MAP3K2: variants seen among roughly 807,000 people sequenced by gnomAD.
MAP3K2 encodes the protein mitogen-activated protein kinase kinase kinase 2, also known as MAP/ERK kinase kinase 2.
MAP3K2 carries 24 observed loss-of-function variants against 80.3 expected under a neutral mutation model. The ratio of observed to expected loss-of-function variants is 0.30; its 90% CI spans 0.22 to 0.42. The LOEUF (loss-of-function observed/expected upper bound fraction) is 0.42. Ranked by LOEUF, MAP3K2 falls within the 10% of genes least tolerant of loss-of-function variation. The pLI is 1.00. For synonymous variants in MAP3K2, 244 were observed against 253.7 expected, an observed-to-expected ratio of 0.96 and a Z score of 0.36; for missense variants, 608 against 750.1, an observed-to-expected ratio of 0.81 and a Z score of 2.21.
At chr2:127,347,378 G>A (rs1558983861) in intron 1 of MAP3K2, among the ~76,000 whole-genome samples, 1 of 152,050 alleles carries the variant, frequency 6.6e-6, no homozygotes, top group Non-Finnish European at 1.5e-5. Context: ...CAATAAACAC[G>A]TTCAGCACAG....
intron 2 of MAP3K2, among the ~76,000 whole-genome samples, chr2:127,340,591 A>G (rs1686459529): frequency 6.6e-6 from 1 of 151,818 alleles, no homozygotes; most frequent in Non-Finnish European, 1.5e-5. Flanking sequence ...CAGGAGGCAG[A>G]GGTTGCAGCG....
At position 127,310,061 on chromosome 2, in the gene MAP3K2, A is replaced by G. The variant is rs1349639386; in HGVS notation, c.1457-1299T>C. ...CCCTCTCCCACATATTTATTAAATC[A>G]TTCATTTGCATCACTATGAACATGG... On this transcript the variant is annotated intron_variant, in intron 15 of 16. Coordinates refer to ENST00000682094, the MANE Select transcript of MAP3K2 (RefSeq NM_001371910.2). The surrounding 1 kb of genome is among the most constrained non-coding windows in gnomAD (Gnocchi z 4.8). Among the ~76,000 whole-genome samples the G allele has an allele frequency of 6.6e-6, 1 of 152,190 alleles. No homozygotes were observed. The highest frequency in any genetic ancestry group is 2.4e-5 in the African/African-American group (1 of 41,438).
At chr2:127,309,291 C>A (rs1370228281) in intron 15 of MAP3K2, among the ~76,000 whole-genome samples, 2 of 152,032 alleles carry the variant, frequency 1.3e-5, no homozygotes, top group African/African-American at 4.8e-5. Flanking sequence ...TTTTACTTCC[C>A]AATTTCTAAT....
At position 127,310,813 on chromosome 2, in the gene MAP3K2, C is replaced by G. The variant is rs1685795261; in HGVS notation, c.1457-2051G>C. On this transcript the variant is annotated intron_variant, in intron 15 of 16. Transcript: ENST00000682094. The surrounding 1 kb of genome is among the most constrained non-coding windows in gnomAD (Gnocchi z 4.8). ...TCTTCTCATTTTTTTCCACATAGCC[C>G]TCATTACTTTGGACCTTCTCATTTT... 1.3e-5 allele frequency among the ~76,000 whole-genome samples: 2 copies of G among 152,000 alleles called. No homozygotes were observed. Among genetic ancestry groups the G allele is most frequent in the African/African-American group, 2.4e-5 (1 of 41,400 alleles).
chr2:127,334,795 G>A (rs367670674), intron 5 of MAP3K2, among the ~76,000 whole-genome samples: 32 of 133,490 alleles, frequency 2.4e-4, no homozygotes, highest in African/African-American at 7.1e-4. Flanking sequence ...TTTTTGAGAC[G>A]GAGTCTCGCT....
chr2:127,365,784 G>A (rs1387878710), intron 1 of MAP3K2, among the ~76,000 whole-genome samples: 1 of 152,190 alleles, frequency 6.6e-6, no homozygotes, highest in Non-Finnish European at 1.5e-5. Context: ...GCTTCAAAGA[G>A]GCTGAATAGT....
intron 6 of MAP3K2, 124 bp from the exon 7 acceptor site, chr2:127,330,132 T>G: frequency 1.6e-6 from 1 of 629,522 alleles, no homozygotes; most frequent in Non-Finnish European, 2.8e-6. Flanking sequence ...CCTCTACTCT[T>G]TGAAATTTTA....
intron 2 of MAP3K2, among the ~76,000 whole-genome samples, chr2:127,342,388 G>GGTGTGTGTGTGTGTGTGTGT (rs56300936): frequency 7.0e-4 from 103 of 147,860 alleles, no homozygotes; most frequent in African/African-American, 2.2e-3. Flanking sequence ...TCTTCATGAG[G>GGTGTGTGTGTGTGTGTGTGT]GTGTGTGTGT....
At chr2:127,363,398 T>C (rs902055984) in intron 1 of MAP3K2, among the ~76,000 whole-genome samples, 1 of 152,208 alleles carries the variant, frequency 6.6e-6, no homozygotes, top group Non-Finnish European at 1.5e-5. Flanking sequence ...TAATACTTTA[T>C]TAATATAATA....
rs35382458 is a variant in MAP3K2 at position 127,333,277 on chromosome 2, AACACACACACAC to A, written c.264+2581_264+2592del. ...GAACACCTCCACAACCAACCCTCATAACACACACACACACACACACACACACACCCCTTATTA... is the reference window on the plus strand; with the variant it reads ...GAACACCTCCACAACCAACCCTCATAACACACACACACACACCCCTTATTA... On this transcript the variant is annotated intron_variant, in intron 5 of 16. Transcript: ENST00000682094. Among the ~76,000 whole-genome samples, 4 of 144,888 alleles carry A rather than the reference AACACACACACAC, an allele frequency of 2.8e-5. No individual in the cohort carries two copies. In the East Asian group the frequency reaches 6.1e-4, roughly 22 times the overall value.
chr2:127,329,939 T>C lies in MAP3K2; in HGVS notation c.448A>G (p.Lys150Glu). 1 of 1,603,270 alleles carries C rather than the reference T, an allele frequency of 6.2e-7. No homozygotes were observed. Among genetic ancestry groups the C allele is most frequent in the Non-Finnish European group, 8.5e-7 (1 of 1,171,132 alleles). The stretch of plus-strand genomic sequence containing the variant: ...TTCTTACCTATTATAGATAGCCGTT[T>C]TTTCCTCTCTGCTCCAAATACTGTA... ...DNTVFGAERK[K>E]RLSIIGPTSR... Residue 150 changes from lysine to glutamate, a missense_variant, in exon 7 of 17, where the codon AAA becomes GAA. Around this residue, in one of 4 missense-constraint regions of MAP3K2, gnomAD observed 467 missense variants for 521.9 expected, o/e 0.89. Transcript: ENST00000682094.
chr2:127,383,253 G>A (rs907494687), intron 1 of MAP3K2, among the ~76,000 whole-genome samples: 5 of 152,160 alleles, frequency 3.3e-5, no homozygotes, highest in Admixed American at 2.0e-4. Context: ...ACTTGGAGGA[G>A]ACAAATAAAC....
At chr2:127,365,432 A>C (rs1407034855) in intron 1 of MAP3K2, among the ~76,000 whole-genome samples, 1 of 152,180 alleles carries the variant, frequency 6.6e-6, no homozygotes. Flanking sequence ...TTACATCCAA[A>C]CTACATTTCC....
At chr2:127,367,929 G>C (rs1190710437) in intron 1 of MAP3K2, among the ~76,000 whole-genome samples, 1 of 152,220 alleles carries the variant, frequency 6.6e-6, no homozygotes, top group East Asian at 1.9e-4. Flanking sequence ...ATATGACTTA[G>C]GAGCATCCAA....
Position 127,306,870 on chromosome 2 carries a change from GTGTGTT to G in MAP3K2, c.*703_*708del, listed in dbSNP as rs1243783797. 4.1e-5 allele frequency: 6 copies of G among 147,690 alleles called. No homozygotes were observed. Among genetic ancestry groups the G allele is most frequent in the Non-Finnish European group, 6.0e-5 (4 of 66,674 alleles). 9.1% of individuals were successfully genotyped at this position (147,690 alleles called of 1,614,324 possible). Reference sequence around the variant, plus strand: ...TCCGTGTGTGTGTGTGTGTGTGTGTGTGTGTTTTTAAGCAGAAAGCTATCCCTCAAG... The same window carrying G: ...TCCGTGTGTGTGTGTGTGTGTGTGTGTTTAAGCAGAAAGCTATCCCTCAAG... On this transcript the variant is annotated 3_prime_UTR_variant, in exon 17 of 17. Transcript: ENST00000682094. The surrounding 1 kb of genome is among the most constrained non-coding windows in gnomAD (Gnocchi z 4.7).
rs1307013165 is a variant in MAP3K2 at position 127,387,594 on chromosome 2, G to A, written c.-208C>T. 2.0e-6 allele frequency: 2 copies of A among 984,878 alleles called. No homozygotes were observed. The highest frequency in any genetic ancestry group is 2.4e-6 in the Non-Finnish European group (2 of 829,758). 61.0% of individuals were successfully genotyped at this position (984,878 alleles called of 1,614,324 possible). ...GGGCCCCCGGGGACCGGAGGGGCGCGCGAGGAGTCGGGCGCGGGCCTTGGG... is the reference window on the plus strand; with the variant it reads ...GGGCCCCCGGGGACCGGAGGGGCGCACGAGGAGTCGGGCGCGGGCCTTGGG... On this transcript the variant is annotated 5_prime_UTR_variant, in exon 1 of 17. Transcript: ENST00000682094.
chr2:127,375,408 TTA>T (rs201888435), intron 1 of MAP3K2, among the ~76,000 whole-genome samples: 15 of 140,642 alleles, frequency 1.1e-4, no homozygotes, highest in East Asian at 8.6e-4. Flanking sequence ...TATTATTTAT[TTA>T]TTTATTTATT....
intron 1 of MAP3K2, among the ~76,000 whole-genome samples, chr2:127,381,685 G>A (rs1687247844): frequency 6.6e-6 from 1 of 152,180 alleles, no homozygotes; most frequent in Non-Finnish European, 1.5e-5. Context: ...TGACTGCAGT[G>A]AGAAAAATAT....
intron 1 of MAP3K2, chr2:127,378,168 C>T (rs1687181319): frequency 1.0e-6 from 1 of 984,172 alleles, no homozygotes; most frequent in South Asian, 4.7e-5. Context: ...AACTACACAT[C>T]CTCAAGGAAC....
Sources: allele counts gnomAD v4.1 joint callset (sites outside exome capture counted in the v4.1 genomes callset), GRCh38; gene constraint gnomAD v4.1.1; regional missense constraint gnomAD v4.1.1; non-coding constraint Gnocchi (gnomAD v3.1); transcripts MANE v1.5; gene names NCBI Gene and HGNC (gene_info 2026-07-23, HGNC 2026-07-21).